MGRN1: variants seen among roughly 807,000 people sequenced by gnomAD.
The protein encoded by MGRN1 is mahogunin ring finger 1, also known as E3 ubiquitin-protein ligase MGRN1.
Under a neutral mutation model 69.2 loss-of-function variants are expected in MGRN1, and 29 were observed. The observed-to-expected ratio is 0.42, with a 90% CI of 0.31 to 0.57. The LOEUF (loss-of-function observed/expected upper bound fraction) is 0.57, where lower values mean the gene tolerates loss of function less well. Among genes scored for constraint, MGRN1 ranks in the 20% least tolerant of loss-of-function variants. MGRN1 has a pLI of 0.15. For synonymous variants in MGRN1, 470 were observed against 344.2 expected (o/e 1.37, Z -4.04); for missense variants, 998 against 796.2 (o/e 1.25, Z -3.05).
At chr16:4,669,071 C>T (rs1265590217) in intron 8 of MGRN1, 1 of 152,320 alleles carries the variant, frequency 6.6e-6, no homozygotes, top group Non-Finnish European at 1.5e-5. Flanking sequence ...TATATAGACA[C>T]ACACACACAC....
chr16:4,651,293 G>A (rs1262660968), intron 2 of MGRN1, among the ~76,000 whole-genome samples: 7 of 152,172 alleles, frequency 4.6e-5, no homozygotes, highest in East Asian at 1.9e-4. Context: ...CACCTGCTGC[G>A]TGCCTAGTGC....
chr16:4,663,572 T>G (rs757478542), intron 5 of MGRN1, among the ~76,000 whole-genome samples: 9 of 152,168 alleles, frequency 5.9e-5, no homozygotes, highest in Non-Finnish European at 1.2e-4. Context: ...TCCATTGCTG[T>G]TCTGTGCCAG....
rs370059033 is a variant in MGRN1 at position 4,677,447 on chromosome 16, C to T, written c.956-16C>T. ...TGTGTCGCCTGGGCCTGATCTGAGCCCTCCTTCTGCCGCAGCTTTCCGGGC... is the reference window on the plus strand; with the variant it reads ...TGTGTCGCCTGGGCCTGATCTGAGCTCTCCTTCTGCCGCAGCTTTCCGGGC... On this transcript the variant is annotated splice_polypyrimidine_tract_variant and intron_variant, in intron 10 of 16. Coordinates refer to ENST00000262370, the MANE Select transcript of MGRN1 (RefSeq NM_015246.4). 11 of 1,536,664 alleles carry T rather than the reference C, an allele frequency of 7.2e-6. No homozygotes were observed. In the South Asian group the frequency reaches 9.6e-5, roughly 13 times the overall value.
rs1167875376 is a variant in MGRN1, at chr16:4,690,765, AAC to A, written c.*1865_*1866del. On this transcript the variant is annotated 3_prime_UTR_variant, in exon 17 of 17. Transcript: ENST00000262370. ...CTCCCCCCATGCACCTCTCCCCAACAACACACACAGCCCCCTGCACCGCCCGC... is the reference window on the plus strand; with the variant it reads ...CTCCCCCCATGCACCTCTCCCCAACAACACACAGCCCCCTGCACCGCCCGC... The A allele has an allele frequency of 8.7e-6, 1 of 114,566 alleles. No individual in the cohort carries two copies. Among genetic ancestry groups the A allele is most frequent in the African/African-American group, 3.4e-5 (1 of 29,366 alleles). 7.1% of individuals were successfully genotyped at this position (114,566 alleles called of 1,614,324 possible). A position where few individuals can be genotyped will look rare whatever the true frequency, so the allele number is the denominator to read the frequency against.
intron 1 of MGRN1, among the ~76,000 whole-genome samples, chr16:4,626,183 G>A (rs750607783): frequency 3.9e-5 from 6 of 152,232 alleles, no homozygotes; most frequent in Non-Finnish European, 8.8e-5. Context: ...GATGAAGTGA[G>A]GGGAACCAGC....
chr16:4,683,077 G>T (rs1324261608), intron 14 of MGRN1, 131 bp downstream of exon 14: 1 of 1,492,480 alleles, frequency 6.7e-7, no homozygotes, highest in Non-Finnish European at 9.1e-7. Flanking sequence ...GCTGAGCTGC[G>T]CGGCTCCTTA....
chr16:4,671,283 CT>C, intron 8 of MGRN1, 107 bp from the exon 9 acceptor site: 2 of 1,071,012 alleles, frequency 1.9e-6, no homozygotes, highest in Non-Finnish European at 1.4e-6. Flanking sequence ...GGACTGACCC[CT>C]GGTATGGAAG....
rs965178468 is a variant in MGRN1, at chr16:4,689,231, C to T, written c.*323C>T. On this transcript the variant is annotated 3_prime_UTR_variant, in exon 17 of 17. Coordinates refer to ENST00000262370, the MANE Select transcript of MGRN1 (RefSeq NM_015246.4). ...CCACGTGTGGCCTCCGCTGGCTCTG[C>T]CTGCTCCTGCAACAGTGCGGTCCCT... is the stretch of plus-strand genomic sequence containing the variant. 3.5e-4 allele frequency: 102 copies of T among 292,340 alleles called. No individual in the cohort carries two copies. Among genetic ancestry groups the T allele is most frequent in the Admixed American group, 2.0e-4 (4 of 20,396 alleles). The allele number at this position is 292,340 out of a possible 1,614,324, so 18.1% of individuals were successfully genotyped here.
rs148612320 is a variant in MGRN1 at position 4,673,857 on chromosome 16, G to A, written c.955+200G>A. ...AGAGAGCTGGCAGGGACGCTAGCACGGGGCATTCAGATCTTCACGTCTGCC... is the reference window on the plus strand; with the variant it reads ...AGAGAGCTGGCAGGGACGCTAGCACAGGGCATTCAGATCTTCACGTCTGCC... On this transcript the variant is annotated intron_variant, in intron 10 of 16. Coordinates refer to ENST00000262370, the MANE Select transcript of MGRN1 (RefSeq NM_015246.4). 1.7e-3 allele frequency among the ~76,000 whole-genome samples: 263 copies of A among 152,324 alleles called. 1 individual carries two copies. The highest frequency in any genetic ancestry group is 4.5e-3 in the Admixed American group (69 of 15,300).
In MGRN1 at chr16:4,650,416, C is replaced by T. The variant is rs371159103; in HGVS notation, c.140C>T (p.Pro47Leu). ...FFMGGEKFDT[P>L]HPEGYLFGEN... ...ATGGGAGGAGAGAAATTCGACACCC[C>T]CCACCCTGAAGGTTACCTCTTTGGA... Residue 47 changes from proline to leucine, a missense_variant, in exon 2 of 17, where the codon CCC becomes CTC. Physicochemically the swap from Pro to Leu is moderately conservative, Grantham distance 98. Transcript: ENST00000262370. 1.5e-5 allele frequency: 24 copies of T among 1,614,126 alleles called. No homozygotes were observed. The highest frequency in any genetic ancestry group is 1.9e-5 in the Non-Finnish European group (23 of 1,179,978).
chr16:4,681,004 C>T (rs945085071), intron 12 of MGRN1, among the ~76,000 whole-genome samples: 8 of 152,238 alleles, frequency 5.3e-5, no homozygotes, highest in Middle Eastern at 6.3e-3. Flanking sequence ...TTTCCTTCTT[C>T]CTCAGCCTTG....
At chr16:4,651,678 C>T (rs1567192755) in intron 2 of MGRN1, among the ~76,000 whole-genome samples, 1 of 152,026 alleles carries the variant, frequency 6.6e-6, no homozygotes, top group Non-Finnish European at 1.5e-5. Flanking sequence ...TATGGGAAGC[C>T]TGGGAGAGCA....
chr16:4,640,613 G>T (rs1237360524), intron 1 of MGRN1: 3 of 152,448 alleles, frequency 2.0e-5, no homozygotes, highest in African/African-American at 4.8e-5. Flanking sequence ...GTCCTTGAGT[G>T]TGTTGGTTCC....
rs149895962 is a variant in MGRN1, at chr16:4,668,384, C to G, written c.726+72C>G. The G allele has an allele frequency of 4.7e-5, 70 of 1,488,046 alleles. No homozygotes were observed. The East Asian group carries it at 1.5e-3, about 33-fold the overall frequency. The allele number at this position is 1,488,046 out of a possible 1,614,324, so 92.2% of individuals were successfully genotyped here. On this transcript the variant is annotated intron_variant, in intron 8 of 16. Coordinates refer to ENST00000262370, the MANE Select transcript of MGRN1 (RefSeq NM_015246.4). ...ATATACAATCACTCACACGCATACT[C>G]ATACATAGACACACACTCATACACA...
intron 1 of MGRN1, among the ~76,000 whole-genome samples, chr16:4,625,688 G>A (rs1377103779): frequency 6.6e-6 from 1 of 152,256 alleles, no homozygotes; most frequent in Admixed American, 6.5e-5. Context: ...CAAGATCTCA[G>A]CTGGATGGAA....
At chr16:4,665,614 C>G (rs1334707877) in intron 7 of MGRN1, among the ~76,000 whole-genome samples, 1 of 151,648 alleles carries the variant, frequency 6.6e-6, no homozygotes, top group African/African-American at 2.4e-5. Flanking sequence ...AGTGATCCAC[C>G]TGCCACGGCC....
chr16:4,654,241 T>C (rs2078477605), intron 4 of MGRN1, among the ~76,000 whole-genome samples: 1 of 152,120 alleles, frequency 6.6e-6, no homozygotes, highest in Non-Finnish European at 1.5e-5. Context: ...GGAGCAAAGG[T>C]CAAGGAACAA....
At chr16:4,676,021 G>A (rs560887489) in intron 10 of MGRN1, among the ~76,000 whole-genome samples, 1 of 152,232 alleles carries the variant, frequency 6.6e-6, no homozygotes, top group Non-Finnish European at 1.5e-5. Context: ...TTGGGGATTT[G>A]CCTGCGCAGC....
intron 7 of MGRN1, among the ~76,000 whole-genome samples, chr16:4,666,124 T>C (rs1014499687): frequency 1.3e-5 from 2 of 151,956 alleles, no homozygotes; most frequent in African/African-American, 4.8e-5. Flanking sequence ...CCACCACACC[T>C]GGCCATCTCT....
Sources: allele counts gnomAD v4.1 joint callset (sites outside exome capture counted in the v4.1 genomes callset), GRCh38; gene constraint gnomAD v4.1.1; transcripts MANE v1.5; gene names NCBI Gene and HGNC (gene_info 2026-07-23, HGNC 2026-07-21).